TDRP: variants seen among roughly 807,000 people sequenced by gnomAD.
TDRP encodes testis development-related protein.
TDRP carries 12 observed loss-of-function variants against 10.5 expected under a neutral mutation model. The observed-to-expected ratio is 1.15, with a 90% confidence interval of 0.73 to 1.86. TDRP has a LOEUF of 1.86. TDRP is among the 40% of genes most tolerant of loss of function. The pLI is 0.00. For missense variants in TDRP, 353 were observed against 229.2 expected (o/e 1.54, Z -3.49); for synonymous variants, 139 against 95.4 (o/e 1.46, Z -2.67).
intron 1 of TDRP, among the ~76,000 whole-genome samples, chr8:504,335 T>C (rs1282442650): frequency 1.3e-5 from 2 of 152,212 alleles, no homozygotes; most frequent in Non-Finnish European, 2.9e-5. Context: ...CAGCATGTTT[T>C]GGGTAGTGTT....
intron 1 of TDRP, among the ~76,000 whole-genome samples, chr8:500,687 T>C (rs1371029778): frequency 6.6e-6 from 1 of 152,206 alleles, no homozygotes; most frequent in Non-Finnish European, 1.5e-5. Context: ...ATAAAGCAGA[T>C]GGAAATTTCT....
chr8:493,747 T>A (rs945804876), intron 2 of TDRP, among the ~76,000 whole-genome samples: 1 of 150,732 alleles, frequency 6.6e-6, no homozygotes. Flanking sequence ...CAATCCTTTG[T>A]ATTTTTAACA....
intron 1 of TDRP, among the ~76,000 whole-genome samples, chr8:533,485 C>A (rs1160783639): frequency 3.3e-5 from 5 of 152,212 alleles, no homozygotes. Flanking sequence ...CTCACCTTTT[C>A]CTACATGTCC....
chr8:526,409 G>C lies in TDRP; in HGVS notation c.108+18241C>G, dbSNP rs575617335. ...GTTCCTTCTATACAGTTTTTTGAGCGTTCTTATTATGAAGAGATGTTGAAT... is the reference window on the plus strand; with the variant it reads ...GTTCCTTCTATACAGTTTTTTGAGCCTTCTTATTATGAAGAGATGTTGAAT... On this transcript the variant is annotated intron_variant, in intron 1 of 2. Coordinates refer to ENST00000324079, the MANE Select transcript of TDRP (RefSeq NM_001384899.1). Among the ~76,000 whole-genome samples, 335 of 152,146 alleles carry C rather than the reference G, an allele frequency of 2.2e-3. 7 individuals carry two copies. Among genetic ancestry groups the C allele is most frequent in the South Asian group, 3.1e-3 (15 of 4,806 alleles).
intron 1 of TDRP, among the ~76,000 whole-genome samples, chr8:523,372 A>C (rs944812347): frequency 2.6e-5 from 4 of 152,176 alleles, no homozygotes; most frequent in African/African-American, 7.2e-5. Context: ...AGCCTCCACC[A>C]ATCATCCTCC....
intron 1 of TDRP, among the ~76,000 whole-genome samples, chr8:526,995 C>A (rs924486593): frequency 6.6e-6 from 1 of 152,162 alleles, no homozygotes; most frequent in Non-Finnish European, 1.5e-5. Context: ...TGACTCATGT[C>A]TGTAATCCCA....
intron 1 of TDRP, among the ~76,000 whole-genome samples, chr8:523,833 T>A (rs1045581635): frequency 2.0e-5 from 3 of 152,186 alleles, no homozygotes; most frequent in Non-Finnish European, 4.4e-5. Flanking sequence ...CCCTGGCTCC[T>A]GGACAGCATC....
At chr8:532,915 G>A (rs1802245181) in intron 1 of TDRP, among the ~76,000 whole-genome samples, 2 of 152,136 alleles carry the variant, frequency 1.3e-5, no homozygotes, top group African/African-American at 4.8e-5. Context: ...ACACTGCATG[G>A]ACCCCAAAGC....
At chr8:540,472 A>C (rs138820395) in intron 1 of TDRP, among the ~76,000 whole-genome samples, 21 of 152,240 alleles carry the variant, frequency 1.4e-4, no homozygotes, top group African/African-American at 4.8e-4. Context: ...AACTTTGAAG[A>C]AGTTAAGACC....
At chr8:497,913 C>A (rs1237948453) in intron 1 of TDRP, among the ~76,000 whole-genome samples, 1 of 152,192 alleles carries the variant, frequency 6.6e-6, no homozygotes, top group African/African-American at 2.4e-5. Context: ...GGGTGCAAAG[C>A]CCAAGCCTTG....
intron 1 of TDRP, among the ~76,000 whole-genome samples, chr8:529,860 T>C (rs531314098): frequency 3.3e-5 from 5 of 152,312 alleles, no homozygotes; most frequent in Admixed American, 3.3e-4. Flanking sequence ...TTCTTTACCC[T>C]TTCTTTGGTT....
chr8:494,143 A>G (rs1437448255), intron 2 of TDRP, among the ~76,000 whole-genome samples: 1 of 139,548 alleles, frequency 7.2e-6, no homozygotes, highest in Non-Finnish European at 1.6e-5. Flanking sequence ...TTTTTTTTTT[A>G]GTATAGACGG....
intron 1 of TDRP, among the ~76,000 whole-genome samples, chr8:532,075 G>C (rs553344328): frequency 1.3e-5 from 2 of 152,334 alleles, no homozygotes; most frequent in East Asian, 3.9e-4. Flanking sequence ...GTTCAACAGT[G>C]TCAGAAATCC....
rs564629108 is a variant in TDRP, at chr8:514,785, G to A, written c.109-20188C>T. 1.4e-4 allele frequency among the ~76,000 whole-genome samples: 22 copies of A among 152,128 alleles called. No homozygotes were observed. The South Asian group carries it at 3.3e-3, about 23-fold the overall frequency. On this transcript the variant is annotated intron_variant, in intron 1 of 2. Coordinates refer to ENST00000324079, the MANE Select transcript of TDRP (RefSeq NM_001384899.1). ...GGGGAAGGCCCACCCGAGAAGCAAC[G>A]GGAACATGTGTTGAGTGTGCCAGTT...
Position 491,057 on chromosome 8 carries a change from A to T in TDRP, c.*1342T>A, listed in dbSNP as rs1286614956. ...CTGTTTTTTGCATAACAGATGACAGATCAAGTAAACCTGTTCTATTAAAAA... is the reference window on the plus strand; with the variant it reads ...CTGTTTTTTGCATAACAGATGACAGTTCAAGTAAACCTGTTCTATTAAAAA... On this transcript the variant is annotated 3_prime_UTR_variant, in exon 3 of 3. Transcript: ENST00000324079. 1.3e-5 allele frequency: 2 copies of T among 152,274 alleles called. No individual in the cohort carries two copies. Among genetic ancestry groups the T allele is most frequent in the Non-Finnish European group, 2.9e-5 (2 of 68,076 alleles). 9.4% of individuals were successfully genotyped at this position (152,274 alleles called of 1,614,324 possible).
chr8:498,197 G>A (rs552753480), intron 1 of TDRP, among the ~76,000 whole-genome samples: 19 of 152,204 alleles, frequency 1.2e-4, no homozygotes, highest in East Asian at 7.8e-4. Context: ...CCAACAACTC[G>A]AACCATGCAC....
At chr8:511,755 T>C (rs181946796) in intron 1 of TDRP, among the ~76,000 whole-genome samples, 112 of 152,286 alleles carry the variant, frequency 7.4e-4, no homozygotes, top group African/African-American at 2.6e-3. Flanking sequence ...TCTTTGACCA[T>C]AATGGAATGA....
At chr8:535,830 A>C in intron 1 of TDRP, among the ~76,000 whole-genome samples, 1 of 151,562 alleles carries the variant, frequency 6.6e-6, no homozygotes. Flanking sequence ...GGCAGGTCTC[A>C]GCGTAGGGGT....
intron 1 of TDRP, among the ~76,000 whole-genome samples, chr8:508,670 TG>T (rs1023130628): frequency 3.4e-4 from 52 of 152,212 alleles, no homozygotes; most frequent in African/African-American, 1.2e-3. Context: ...GAGATTTGGG[TG>T]GGGACACACA....
Sources: gnomAD v4.1 joint callset for allele counts (sites outside exome capture counted in the v4.1 genomes callset) on GRCh38, gnomAD v4.1.1 for gene constraint, MANE v1.5 for transcripts, NCBI Gene and HGNC (gene_info 2026-07-23, HGNC 2026-07-21) for gene names.